The following CCSER1 variants were observed in gnomAD, a reference collection of about 807,000 sequenced individuals.
The protein encoded by CCSER1 is coiled-coil serine rich protein 1, also known as serine-rich coiled-coil domain-containing protein 1.
A neutral mutation model predicts 82.0 loss-of-function variants in CCSER1; 41 were observed. That is an observed-to-expected ratio of 0.50 (90% CI 0.39 to 0.65). The LOEUF (loss-of-function observed/expected upper bound fraction) is 0.65. CCSER1 is among the 30% of genes least tolerant of loss of function. CCSER1 has a pLI of 0.00. For missense variants in CCSER1, 1,119 were observed against 1,064.2 expected (o/e 1.05, Z -0.72); for synonymous variants, 414 against 383.9 (o/e 1.08, Z -0.92).
At chr4:90,702,024 G>C (rs1270082886) in intron 6 of CCSER1, among the ~76,000 whole-genome samples, 1 of 152,130 alleles carries the variant, frequency 6.6e-6, no homozygotes, top group South Asian at 2.1e-4. Flanking sequence ...AATAGGAGCG[G>C]TGAGAGAGGG....
intron 5 of CCSER1, among the ~76,000 whole-genome samples, chr4:90,562,987 T>A (rs1359501371): frequency 6.6e-6 from 1 of 152,074 alleles, no homozygotes; most frequent in East Asian, 1.9e-4. Context: ...ATTATAAAAC[T>A]AATATTGAAT....
chr4:91,167,125 T>C (rs762336187), intron 10 of CCSER1, among the ~76,000 whole-genome samples: 8 of 152,108 alleles, frequency 5.3e-5, no homozygotes, highest in Non-Finnish European at 1.2e-4. Flanking sequence ...TAATATATTG[T>C]TTATTGTTTA....
chr4:91,197,194 A>G (rs1366052211), intron 10 of CCSER1, among the ~76,000 whole-genome samples: 1 of 151,904 alleles, frequency 6.6e-6, no homozygotes, highest in Non-Finnish European at 1.5e-5. Flanking sequence ...GAACCACACA[A>G]CCTCTCCCAT....
intron 10 of CCSER1, among the ~76,000 whole-genome samples, chr4:91,581,847 T>C (rs115218779): frequency 6.6e-5 from 10 of 150,706 alleles, no homozygotes; most frequent in African/African-American, 2.4e-4. Context: ...TAAATACTAA[T>C]AGTCCACCCC....
At chr4:91,446,578 T>G (rs1755569239) in intron 10 of CCSER1, among the ~76,000 whole-genome samples, 1 of 52,022 alleles carries the variant, frequency 1.9e-5, no homozygotes, top group Non-Finnish European at 3.9e-5. Flanking sequence ...CTTTCTATTC[T>G]TTGTGTGTGT....
At chr4:90,714,975 G>A (rs1741357377) in intron 6 of CCSER1, among the ~76,000 whole-genome samples, 1 of 151,876 alleles carries the variant, frequency 6.6e-6, no homozygotes, top group South Asian at 2.1e-4. Context: ...CTGTTCAAAT[G>A]AGAAAGTGCC....
chr4:91,589,880 C>G lies in CCSER1; in HGVS notation c.2218-8692C>G, dbSNP rs374922740. 8.0e-5 allele frequency among the ~76,000 whole-genome samples: 12 copies of G among 150,634 alleles called. No homozygotes were observed. In the East Asian group the frequency reaches 9.7e-4, roughly 12 times the overall value. On this transcript the variant is annotated intron_variant, in intron 10 of 10. Coordinates refer to ENST00000509176, the MANE Select transcript of CCSER1 (RefSeq NM_001145065.2). ...TTTTAACTAAGGAGAATTACTGACACAGAGTGGGTGATCACACATATACAC... is the reference window on the plus strand; with the variant it reads ...TTTTAACTAAGGAGAATTACTGACAGAGAGTGGGTGATCACACATATACAC...
At chr4:91,106,772 T>C (rs1351611145) in intron 10 of CCSER1, among the ~76,000 whole-genome samples, 1 of 152,236 alleles carries the variant, frequency 6.6e-6, no homozygotes, top group African/African-American at 2.4e-5. Flanking sequence ...GCCTCTTTAC[T>C]TTTTTTGTTT....
intron 10 of CCSER1, among the ~76,000 whole-genome samples, chr4:91,151,072 G>T (rs1027749498): frequency 6.6e-6 from 1 of 152,142 alleles, no homozygotes; most frequent in African/African-American, 2.4e-5. Flanking sequence ...ACCTCTGGTA[G>T]AATTTTGCTG....
At chr4:90,674,230 ATT>A (rs1468833262) in intron 6 of CCSER1, among the ~76,000 whole-genome samples, 1 of 151,888 alleles carries the variant, frequency 6.6e-6, no homozygotes, top group Non-Finnish European at 1.5e-5. Flanking sequence ...CATATTTTAA[ATT>A]TTTCTTTGTC....
intron 8 of CCSER1, among the ~76,000 whole-genome samples, chr4:90,846,798 G>A (rs1049541427): frequency 2.6e-5 from 4 of 151,826 alleles, no homozygotes; most frequent in Non-Finnish European, 4.4e-5. Context: ...TTACAGGCAC[G>A]CCAGCACACC....
intron 3 of CCSER1, among the ~76,000 whole-genome samples, chr4:90,385,038 C>A (rs543170545): frequency 6.6e-6 from 1 of 152,248 alleles, no homozygotes; most frequent in South Asian, 2.1e-4. Context: ...CATTTCTATC[C>A]ATGTTGTTGC....
At chr4:91,081,567 A>G (rs1203697831) in intron 9 of CCSER1, among the ~76,000 whole-genome samples, 3 of 152,150 alleles carry the variant, frequency 2.0e-5, no homozygotes, top group Admixed American at 1.3e-4. Context: ...GGCCAGGGCA[A>G]TCAGGCAAGA....
intron 10 of CCSER1, among the ~76,000 whole-genome samples, chr4:91,422,467 ATACT>A (rs1560658605): frequency 6.6e-6 from 1 of 152,166 alleles, no homozygotes; most frequent in South Asian, 2.1e-4. Context: ...ATTGTGTGTC[ATACT>A]TAATTACCCT....
intron 4 of CCSER1, among the ~76,000 whole-genome samples, chr4:90,425,346 ATT>A (rs2153563243): frequency 6.6e-6 from 1 of 152,190 alleles, no homozygotes; most frequent in East Asian, 1.9e-4. Flanking sequence ...GACAGAGAGT[ATT>A]CAAGAGTTTC....
At chr4:91,117,985 C>T (rs917573651) in intron 10 of CCSER1, among the ~76,000 whole-genome samples, 2 of 152,076 alleles carry the variant, frequency 1.3e-5, no homozygotes, top group Non-Finnish European at 2.9e-5. Context: ...GGCCCAAAAT[C>T]TATTGTAAAT....
intron 5 of CCSER1, among the ~76,000 whole-genome samples, chr4:90,492,676 A>G (rs766586671): frequency 1.2e-4 from 19 of 152,132 alleles, no homozygotes; most frequent in Non-Finnish European, 1.9e-4. Flanking sequence ...GTTTCCCTCT[A>G]CACACTGCTT....
intron 10 of CCSER1, among the ~76,000 whole-genome samples, chr4:91,553,388 G>T (rs1762252171): frequency 2.0e-5 from 3 of 151,454 alleles, no homozygotes; most frequent in Admixed American, 2.0e-4. Flanking sequence ...TCTGGCTATG[G>T]TATCAGGGTC....
At chr4:91,006,615 G>A (rs1032463153) in intron 9 of CCSER1, among the ~76,000 whole-genome samples, 26 of 151,302 alleles carry the variant, frequency 1.7e-4, no homozygotes, top group South Asian at 2.1e-4. Flanking sequence ...TCAGCCTCCC[G>A]AGTAGCTGGG....
Sources: gnomAD v4.1 joint callset for allele counts (sites outside exome capture counted in the v4.1 genomes callset) on GRCh38, gnomAD v4.1.1 for gene constraint, MANE v1.5 for transcripts, NCBI Gene and HGNC (gene_info 2026-07-23, HGNC 2026-07-21) for gene names.